DIAPH2: variants seen among roughly 807,000 people sequenced by gnomAD.
DIAPH2 encodes protein diaphanous homolog 2.
DIAPH2 carries 35 observed loss-of-function variants against 92.7 expected under a neutral mutation model. The ratio of observed to expected loss-of-function variants is 0.38; its 90% CI spans 0.29 to 0.50. DIAPH2 has a LOEUF of 0.50. Ranked by LOEUF, DIAPH2 falls within the 20% of genes least tolerant of loss-of-function variation. DIAPH2 has a pLI of 0.94. For missense variants in DIAPH2, 701 were observed against 819.5 expected, an observed-to-expected ratio of 0.86 and a Z score of 1.77; for synonymous variants, 301 against 280.4, an observed-to-expected ratio of 1.07 and a Z score of -0.73.
chrX:97,204,985 ATGGAGCAG>A (rs2067784172), intron 22 of DIAPH2, among the ~76,000 whole-genome samples: 1 of 111,155 alleles, frequency 9.0e-6, no homozygotes, highest in Admixed American at 9.6e-5. Context: ...ATATAGACCA[ATGGAGCAG>A]AACAGAGACC....
intron 4 of DIAPH2, among the ~76,000 whole-genome samples, chrX:96,857,571 C>T (rs1460525383): frequency 8.9e-6 from 1 of 112,176 alleles, no homozygotes; most frequent in Admixed American, 9.5e-5. Context: ...TTTAGGGGTA[C>T]CAAGCTAACT....
At chrX:96,958,179 G>C (rs1349660025) in intron 16 of DIAPH2, 31 bp downstream of exon 16, 24 of 1,191,405 alleles carry the variant, frequency 2.0e-5, no homozygotes, top group Non-Finnish European at 2.7e-5. Context: ...TTTTTACTTT[G>C]TCTAGCTTTT....
chrX:96,778,734 C>T (rs2064395307), intron 4 of DIAPH2, among the ~76,000 whole-genome samples: 1 of 111,625 alleles, frequency 9.0e-6, no homozygotes, highest in Non-Finnish European at 1.9e-5. Flanking sequence ...AATTTCATTT[C>T]ATTAACATTT....
At chrX:97,276,289 C>CAGGGAG (rs1232546113) in intron 23 of DIAPH2, among the ~76,000 whole-genome samples, 1 of 111,572 alleles carries the variant, frequency 9.0e-6, no homozygotes, top group Non-Finnish European at 1.9e-5. Flanking sequence ...GGGACAGGGA[C>CAGGGAG]AGGGAGAGGG....
intron 26 of DIAPH2, among the ~76,000 whole-genome samples, chrX:97,476,801 A>G (rs1233147704): frequency 9.5e-6 from 1 of 104,903 alleles, no homozygotes; most frequent in African/African-American, 3.5e-5. Context: ...AAAATTAGCC[A>G]GGTGTGGTGG....
At chrX:97,317,971 A>G (rs1400185993) in intron 23 of DIAPH2, among the ~76,000 whole-genome samples, 1 of 111,826 alleles carries the variant, frequency 8.9e-6, no homozygotes, top group Non-Finnish European at 1.9e-5. Context: ...GCAGTGAGAA[A>G]TTATATAAGA....
chrX:97,535,005 G>C (rs145547366), intron 26 of DIAPH2, among the ~76,000 whole-genome samples: 1,525 of 111,336 alleles, frequency 0.014, 24 homozygotes, highest in African/African-American at 0.047. Flanking sequence ...GACCATTACT[G>C]CTCAAAAGTA....
intron 26 of DIAPH2, among the ~76,000 whole-genome samples, chrX:97,450,933 A>G (rs1164782910): frequency 9.3e-6 from 1 of 108,091 alleles, no homozygotes; most frequent in Non-Finnish European, 1.9e-5. Flanking sequence ...ATTTTTAAGA[A>G]GTGAAAACTT....
chrX:96,885,060 C>T (rs757353111), intron 5 of DIAPH2: 3 of 1,209,501 alleles, frequency 2.5e-6, no homozygotes, highest in Admixed American at 2.2e-5. Context: ...ACATCTATCC[C>T]ACTGTGGATC....
At chrX:97,408,509 C>G (rs1275972040) in intron 25 of DIAPH2, among the ~76,000 whole-genome samples, 2 of 111,224 alleles carry the variant, frequency 1.8e-5, no homozygotes, top group African/African-American at 6.5e-5. Flanking sequence ...AACAACTTCT[C>G]TTTTACGAAG....
At chrX:96,903,012 A>C (rs760779689) in intron 5 of DIAPH2, among the ~76,000 whole-genome samples, 3 of 111,250 alleles carry the variant, frequency 2.7e-5, no homozygotes, top group Admixed American at 9.6e-5. Flanking sequence ...CACACTCTGT[A>C]ATAAGTCTTT....
intron 4 of DIAPH2, among the ~76,000 whole-genome samples, chrX:96,807,642 A>G (rs1825920283): frequency 1.8e-5 from 2 of 110,111 alleles, no homozygotes; most frequent in African/African-American, 3.3e-5. Flanking sequence ...CCTCAGTCTT[A>G]TGGCCTCCTG....
At chrX:97,375,043 C>T (rs892430157) in intron 24 of DIAPH2, among the ~76,000 whole-genome samples, 1 of 112,009 alleles carries the variant, frequency 8.9e-6, no homozygotes, top group Non-Finnish European at 1.9e-5. Context: ...CCCACCTTTA[C>T]TATAATAACA....
At chrX:97,214,700 G>A (rs944376944) in intron 22 of DIAPH2, among the ~76,000 whole-genome samples, 12 of 107,445 alleles carry the variant, frequency 1.1e-4, no homozygotes, top group Non-Finnish European at 1.9e-4. Context: ...GCAGGGTTGC[G>A]CATGCCTGTA....
chrX:97,247,888 C>T (rs1439190844), intron 23 of DIAPH2, 49 bp downstream of exon 23: 3 of 1,122,843 alleles, frequency 2.7e-6, no homozygotes, highest in Non-Finnish European at 3.6e-6. Context: ...GTCTCTATGT[C>T]TGTCTGTTTA....
chrX:97,019,170 C>T (rs1445641190), intron 17 of DIAPH2, among the ~76,000 whole-genome samples: 1 of 111,780 alleles, frequency 8.9e-6, no homozygotes, highest in Admixed American at 9.5e-5. Context: ...CTGCCATAAC[C>T]GTTTGTGCTC....
intron 17 of DIAPH2, among the ~76,000 whole-genome samples, chrX:96,980,998 C>CAAA (rs1204120424): frequency 0.044 from 1,993 of 45,440 alleles, 49 homozygotes; most frequent in Middle Eastern, 0.079. Flanking sequence ...CCATCTCTAC[C>CAAA]AAAAAAAAAA....
intron 1 of DIAPH2, among the ~76,000 whole-genome samples, chrX:96,725,339 A>G (rs6615849): frequency 0.099 from 11,076 of 111,621 alleles, 522 homozygotes; most frequent in East Asian, 0.32. Context: ...ACTACTCAGC[A>G]TAGAATCTGA....
At chrX:97,049,918 A>G (rs1477385467) in intron 17 of DIAPH2, among the ~76,000 whole-genome samples, 2 of 111,133 alleles carry the variant, frequency 1.8e-5, no homozygotes, top group Non-Finnish European at 1.9e-5. Flanking sequence ...AGGCAGCTCT[A>G]TTTCTTTAAA....
Sources: gnomAD v4.1 joint callset for allele counts (sites outside exome capture counted in the v4.1 genomes callset) on GRCh38, gnomAD v4.1.1 for gene constraint, MANE v1.5 for transcripts, NCBI Gene and HGNC (gene_info 2026-07-23, HGNC 2026-07-21) for gene names.